CTNNA3: variants seen among roughly 807,000 people sequenced by gnomAD.
CTNNA3 encodes catenin alpha-3.
In CTNNA3, 76 loss-of-function variants were observed where a neutral mutation model predicts 95.7. That is an observed-to-expected ratio of 0.79 (90% CI 0.66 to 0.96). The LOEUF (loss-of-function observed/expected upper bound fraction) is 0.96, where lower values mean the gene tolerates loss of function less well. Ranked by LOEUF, CTNNA3 falls within the 40% of genes least tolerant of loss-of-function variation. CTNNA3 has a pLI of 0.00. For missense variants in CTNNA3, 1,191 were observed against 1,089.8 expected, an observed-to-expected ratio of 1.09 and a Z score of -1.31; for synonymous variants, 431 against 374.4, an observed-to-expected ratio of 1.15 and a Z score of -1.74.
At chr10:67,395,872 A>G (rs1316658937) in intron 5 of CTNNA3, among the ~76,000 whole-genome samples, 1 of 152,170 alleles carries the variant, frequency 6.6e-6, no homozygotes, top group Non-Finnish European at 1.5e-5. Context: ...GGTGACCTCA[A>G]GGCAATAATT....
At chr10:67,241,744 A>T (rs1865722349) in intron 5 of CTNNA3, among the ~76,000 whole-genome samples, 1 of 152,222 alleles carries the variant, frequency 6.6e-6, no homozygotes, top group Non-Finnish European at 1.5e-5. Flanking sequence ...TTCCACAAGG[A>T]GTTCTATGAG....
intron 5 of CTNNA3, among the ~76,000 whole-genome samples, chr10:67,399,000 T>C (rs1844817347): frequency 6.6e-6 from 1 of 151,944 alleles, no homozygotes; most frequent in Admixed American, 6.6e-5. Flanking sequence ...ATTAGCAGCA[T>C]GAGAACAGAA....
chr10:67,580,249 G>A (rs950610267), intron 3 of CTNNA3, among the ~76,000 whole-genome samples: 1 of 152,160 alleles, frequency 6.6e-6, no homozygotes, highest in African/African-American at 2.4e-5. Flanking sequence ...GTAAGGAAGG[G>A]ATTCAGTTTT....
At chr10:66,935,709 T>C (rs1056059425) in intron 7 of CTNNA3, among the ~76,000 whole-genome samples, 5 of 151,992 alleles carry the variant, frequency 3.3e-5, no homozygotes, top group African/African-American at 4.8e-5. Context: ...GAGTCCTTAT[T>C]ATGTACCAGG....
intron 11 of CTNNA3, among the ~76,000 whole-genome samples, chr10:66,419,580 A>G (rs1700736620): frequency 6.6e-6 from 1 of 152,184 alleles, no homozygotes; most frequent in African/African-American, 2.4e-5. Flanking sequence ...CAGAATATCC[A>G]AAGCAATCCT....
intron 2 of CTNNA3, among the ~76,000 whole-genome samples, chr10:67,610,077 T>C (rs1843409350): frequency 6.6e-6 from 1 of 152,202 alleles, no homozygotes; most frequent in Non-Finnish European, 1.5e-5. Context: ...AAATCTTTGT[T>C]TAAAACAAAG....
chr10:67,744,493 A>G (rs1376850845), intron 1 of CTNNA3, among the ~76,000 whole-genome samples: 1 of 151,368 alleles, frequency 6.6e-6, no homozygotes, highest in Non-Finnish European at 1.5e-5. Context: ...ACCTTATACA[A>G]AAATCAATTC....
intron 10 of CTNNA3, among the ~76,000 whole-genome samples, chr10:66,536,163 C>G (rs888564088): frequency 1.7e-4 from 20 of 115,842 alleles, no homozygotes; most frequent in African/African-American, 5.5e-4. Context: ...GAGAGAGAGA[C>G]AGAGACAGAG....
intron 9 of CTNNA3, among the ~76,000 whole-genome samples, chr10:66,685,156 T>C (rs1435962884): frequency 3.6e-5 from 5 of 138,910 alleles, no homozygotes; most frequent in African/African-American, 1.4e-4. Context: ...TATATATATA[T>C]ACACGTATAT....
intron 16 of CTNNA3, among the ~76,000 whole-genome samples, chr10:65,975,750 A>G (rs1360972982): frequency 1.3e-5 from 2 of 152,128 alleles, no homozygotes; most frequent in Non-Finnish European, 2.9e-5. Context: ...TTTGCAAAGT[A>G]AGTTTCAGAG....
At chr10:66,799,569 T>C (rs1841348144) in intron 7 of CTNNA3, among the ~76,000 whole-genome samples, 1 of 151,466 alleles carries the variant, frequency 6.6e-6, no homozygotes, top group African/African-American at 2.4e-5. Flanking sequence ...TGAAGCATTG[T>C]GGTGAGGAGA....
intron 1 of CTNNA3, among the ~76,000 whole-genome samples, chr10:67,654,554 C>T: frequency 6.6e-6 from 1 of 151,066 alleles, no homozygotes; most frequent in East Asian, 1.9e-4. Flanking sequence ...GGCGTGATCA[C>T]AGCTCACCAC....
intron 5 of CTNNA3, among the ~76,000 whole-genome samples, chr10:67,391,812 C>T (rs1025210408): frequency 6.6e-6 from 1 of 151,216 alleles, no homozygotes; most frequent in African/African-American, 2.5e-5. Flanking sequence ...GGAAAGGATT[C>T]CCTGTTTAAT....
At chr10:67,256,665 G>A (rs898248448) in intron 5 of CTNNA3, among the ~76,000 whole-genome samples, 1 of 152,056 alleles carries the variant, frequency 6.6e-6, no homozygotes, top group Admixed American at 6.6e-5. Context: ...ATTTAACATT[G>A]CTTTGAAAAG....
At chr10:66,257,477 TA>T (rs539780998) in intron 13 of CTNNA3, among the ~76,000 whole-genome samples, 194 of 152,314 alleles carry the variant, frequency 1.3e-3, no homozygotes, top group African/African-American at 4.3e-3. Context: ...CATGCTAATT[TA>T]CAACGAAGCC....
intron 15 of CTNNA3, among the ~76,000 whole-genome samples, chr10:65,993,333 A>G (rs369938282): frequency 6.6e-6 from 1 of 152,350 alleles, no homozygotes. Context: ...TAATGCTAAG[A>G]GTTGAGTGTT....
intron 10 of CTNNA3, among the ~76,000 whole-genome samples, chr10:66,566,128 C>G (rs1160020077): frequency 6.6e-6 from 1 of 152,120 alleles, no homozygotes; most frequent in Non-Finnish European, 1.5e-5. Context: ...TTAGCTTTGG[C>G]TGCAATGTGG....
chr10:66,554,675 A>G (rs1017183570), intron 10 of CTNNA3, among the ~76,000 whole-genome samples: 25 of 151,988 alleles, frequency 1.6e-4, no homozygotes, highest in African/African-American at 5.8e-4. Context: ...CCCTTCTAGG[A>G]TTTCTATTTG....
At chr10:66,997,059 G>A (rs1208790692) in intron 7 of CTNNA3, among the ~76,000 whole-genome samples, 1 of 152,148 alleles carries the variant, frequency 6.6e-6, no homozygotes, top group East Asian at 1.9e-4. Context: ...TACTAACAGA[G>A]AGTCAAACAG....
Sources: allele counts gnomAD v4.1 joint callset (sites outside exome capture counted in the v4.1 genomes callset), GRCh38; gene constraint gnomAD v4.1.1; transcripts MANE v1.5; gene names NCBI Gene and HGNC (gene_info 2026-07-23, HGNC 2026-07-21).